Variants in KCNH8 observed in about 807,000 individuals in gnomAD.
KCNH8 encodes voltage-gated delayed rectifier potassium channel KCNH8.
In KCNH8, 70 loss-of-function variants were observed where a neutral mutation model predicts 103.6. That is an observed-to-expected ratio of 0.68 (90% confidence interval 0.56 to 0.82). The LOEUF (loss-of-function observed/expected upper bound fraction) is 0.82. KCNH8 is among the 40% of genes least tolerant of loss of function. The pLI is 0.00. For missense variants in KCNH8, 1,217 were observed against 1,329.9 expected, an observed-to-expected ratio of 0.92 and a Z score of 1.32; for synonymous variants, 498 against 489.4, an observed-to-expected ratio of 1.02 and a Z score of -0.23.
chr3:19,322,952 G>A (rs1347786268), intron 3 of KCNH8, among the ~76,000 whole-genome samples: 1 of 152,070 alleles, frequency 6.6e-6, no homozygotes, highest in East Asian at 1.9e-4. Context: ...AAGCTCTGAA[G>A]TTCTTTCTTC....
intron 5 of KCNH8, among the ~76,000 whole-genome samples, chr3:19,378,120 A>G (rs2066237431): frequency 6.6e-6 from 1 of 152,110 alleles, no homozygotes; most frequent in African/African-American, 2.4e-5. Flanking sequence ...TACCATCTTT[A>G]ATGGGTGGCT....
chr3:19,243,045 C>T (rs1435081705), intron 1 of KCNH8, among the ~76,000 whole-genome samples: 1 of 152,152 alleles, frequency 6.6e-6, no homozygotes, highest in Non-Finnish European at 1.5e-5. Flanking sequence ...GTTTCTTCAT[C>T]TATAATGACA....
chr3:19,322,092 T>G (rs1302126448), intron 3 of KCNH8, among the ~76,000 whole-genome samples: 1 of 152,122 alleles, frequency 6.6e-6, no homozygotes, highest in African/African-American at 2.4e-5. Context: ...ACATATCAGG[T>G]GAGTCTCTTG....
At chr3:19,305,678 T>C (rs2065120900) in intron 3 of KCNH8, among the ~76,000 whole-genome samples, 1 of 152,036 alleles carries the variant, frequency 6.6e-6, no homozygotes, top group Admixed American at 6.6e-5. Context: ...AATAAACATA[T>C]AGAAAACAAA....
chr3:19,529,236 CTGT>C (rs1186808077), intron 15 of KCNH8, among the ~76,000 whole-genome samples: 1 of 152,148 alleles, frequency 6.6e-6, no homozygotes, highest in Non-Finnish European at 1.5e-5. Flanking sequence ...TTTTATGCTG[CTGT>C]TGAGGTAAGT....
chr3:19,507,523 A>G (rs1335924577), intron 11 of KCNH8, among the ~76,000 whole-genome samples: 3 of 152,106 alleles, frequency 2.0e-5, no homozygotes, highest in Non-Finnish European at 2.9e-5. Flanking sequence ...CCAGCCCCAC[A>G]GCGATTAGGG....
At chr3:19,433,452 T>C (rs1024949946) in intron 7 of KCNH8, among the ~76,000 whole-genome samples, 2 of 152,156 alleles carry the variant, frequency 1.3e-5, no homozygotes, top group African/African-American at 4.8e-5. Flanking sequence ...TGAAGAAGCA[T>C]TACAGAATAT....
chr3:19,271,134 C>T (rs2064581914), intron 2 of KCNH8, among the ~76,000 whole-genome samples: 1 of 152,014 alleles, frequency 6.6e-6, no homozygotes, highest in African/African-American at 2.4e-5. Flanking sequence ...TTGGTAATTT[C>T]TTTTAACATG....
At chr3:19,485,060 C>T (rs2068176151) in intron 11 of KCNH8, among the ~76,000 whole-genome samples, 1 of 152,144 alleles carries the variant, frequency 6.6e-6, no homozygotes, top group African/African-American at 2.4e-5. Flanking sequence ...TTCACTCCAC[C>T]TTTCCGGAAC....
intron 1 of KCNH8, among the ~76,000 whole-genome samples, chr3:19,215,528 A>G (rs1299911709): frequency 6.6e-6 from 1 of 152,226 alleles, no homozygotes; most frequent in Non-Finnish European, 1.5e-5. Flanking sequence ...CAGACAAGTC[A>G]ACAGGTCTTG....
intron 11 of KCNH8, among the ~76,000 whole-genome samples, chr3:19,464,336 A>C (rs1055990463): frequency 3.3e-5 from 5 of 152,154 alleles, no homozygotes; most frequent in Non-Finnish European, 7.4e-5. Flanking sequence ...GCTTACATGG[A>C]AGAAAATAAA....
chr3:19,514,330 T>C (rs913559533), intron 13 of KCNH8, among the ~76,000 whole-genome samples: 3 of 152,044 alleles, frequency 2.0e-5, no homozygotes, highest in African/African-American at 4.8e-5. Flanking sequence ...GCGGATGATA[T>C]ATTTTCAAGA....
intron 3 of KCNH8, among the ~76,000 whole-genome samples, chr3:19,291,515 G>C (rs28599173): frequency 2.0e-3 from 307 of 152,144 alleles, no homozygotes; most frequent in African/African-American, 6.8e-3. Context: ...AGTAGTCATT[G>C]AGGAGCAGGT....
chr3:19,309,603 A>T (rs12637672), intron 3 of KCNH8, among the ~76,000 whole-genome samples: 9 of 151,734 alleles, frequency 5.9e-5, no homozygotes, highest in Non-Finnish European at 1.0e-4. Flanking sequence ...TCTATATAGT[A>T]AGATAGAGCT....
chr3:19,500,921 A>G (rs2068567257), intron 11 of KCNH8, among the ~76,000 whole-genome samples: 1 of 152,206 alleles, frequency 6.6e-6, no homozygotes. Flanking sequence ...AGAAATAACT[A>G]AGATCAGAGC....
intron 3 of KCNH8, among the ~76,000 whole-genome samples, chr3:19,327,778 T>C (rs2065443616): frequency 6.6e-6 from 1 of 152,214 alleles, no homozygotes; most frequent in Non-Finnish European, 1.5e-5. Flanking sequence ...GACACAGGTT[T>C]TAGAAACATA....
At chr3:19,500,773 T>A (rs1204949391) in intron 11 of KCNH8, among the ~76,000 whole-genome samples, 2 of 151,852 alleles carry the variant, frequency 1.3e-5, no homozygotes, top group Admixed American at 6.6e-5. Context: ...TGGGACACAT[T>A]CAAAGTTGTG....
At chr3:19,220,386 A>G (rs182929043) in intron 1 of KCNH8, among the ~76,000 whole-genome samples, 1 of 152,214 alleles carries the variant, frequency 6.6e-6, no homozygotes, top group Admixed American at 6.5e-5. Context: ...TTCTCCTTAA[A>G]CTCATGAATG....
At position 19,252,475 on chromosome 3, in the gene KCNH8, C is replaced by T. The variant is rs188328382; in HGVS notation, c.77-1179C>T. 3.5e-3 allele frequency among the ~76,000 whole-genome samples: 534 copies of T among 151,762 alleles called. 3 individuals are homozygous for T. The highest frequency in any genetic ancestry group is 0.012 in the African/African-American group (491 of 41,370). On this transcript the variant is annotated intron_variant, in intron 1 of 15. Coordinates refer to ENST00000328405, the MANE Select transcript of KCNH8 (RefSeq NM_144633.3). Reference sequence around the variant, plus strand: ...TGCGATCTTGACTCACTGCAACCTTCGCCTTCTAGTTTCAAGTGATTCTCC... The same window carrying T: ...TGCGATCTTGACTCACTGCAACCTTTGCCTTCTAGTTTCAAGTGATTCTCC...
Sources: gnomAD v4.1 joint callset for allele counts (sites outside exome capture counted in the v4.1 genomes callset) on GRCh38, gnomAD v4.1.1 for gene constraint, MANE v1.5 for transcripts, NCBI Gene and HGNC (gene_info 2026-07-23, HGNC 2026-07-21) for gene names.